Variants in SPOCK2 observed in about 807,000 individuals in gnomAD.
The protein encoded by SPOCK2 is SPARC (osteonectin), cwcv and kazal like domains proteoglycan 2.
In SPOCK2, 39 loss-of-function variants were observed where a neutral mutation model predicts 60.1. That is an observed-to-expected ratio of 0.65 (90% CI 0.50 to 0.85). SPOCK2 has a LOEUF of 0.85. Among genes scored for constraint, SPOCK2 ranks in the 40% least tolerant of loss-of-function variants. The probability of loss-of-function intolerance (pLI) is 0.00; values close to 1 mark genes in which losing one functional copy is unlikely to be tolerated. For synonymous variants in SPOCK2, 217 were observed against 231.5 expected (o/e 0.94, Z 0.57); for missense variants, 523 against 567.4 (o/e 0.92, Z 0.80).
rs368047050 is a variant in SPOCK2 at position 72,086,948 on chromosome 10, T to G, written c.189+1192A>C. The stretch of plus-strand genomic sequence containing the variant: ...CAGTTTAAGGAGAAAACGGGAGAGG[T>G]CATGGTGTGGCCTGCGTTGTACTGG... On this transcript the variant is annotated intron_variant, in intron 1 of 10. Transcript: ENST00000373109. 12 of 1,551,298 alleles carry G rather than the reference T, an allele frequency of 7.7e-6. No individual in the cohort carries two copies. In the African/African-American group the frequency reaches 1.6e-4, roughly 21 times the overall value.
At chr10:72,082,565 AG>A (rs1840800169) in intron 1 of SPOCK2, among the ~76,000 whole-genome samples, 1 of 151,778 alleles carries the variant, frequency 6.6e-6, no homozygotes, top group Non-Finnish European at 1.5e-5. Context: ...TCTGAATAAG[AG>A]GCTAGAGGCT....
rs947143523 is a variant in SPOCK2, at chr10:72,067,187, C to A, written c.710-67G>T. On this transcript the variant is annotated intron_variant, in intron 7 of 10. Transcript: ENST00000373109. ...CAGCCGTTTCTCCAGCCCTCCATCTCTCCGCCTCGCCATCAGCCCCAGCCC... is the reference window on the plus strand; with the variant it reads ...CAGCCGTTTCTCCAGCCCTCCATCTATCCGCCTCGCCATCAGCCCCAGCCC... 5 of 1,466,426 alleles carry A rather than the reference C, an allele frequency of 3.4e-6. No homozygotes were observed. In the African/African-American group the frequency reaches 5.6e-5, roughly 16 times the overall value. The allele number at this position is 1,466,426 out of a possible 1,614,324, so 90.8% of individuals were successfully genotyped here.
intron 1 of SPOCK2, among the ~76,000 whole-genome samples, chr10:72,081,841 A>G (rs1399514590): frequency 6.6e-6 from 1 of 152,064 alleles, no homozygotes; most frequent in Non-Finnish European, 1.5e-5. Flanking sequence ...GCCCCTCTTT[A>G]CTTGAACCCA....
intron 8 of SPOCK2, among the ~76,000 whole-genome samples, chr10:72,066,689 G>A (rs1351762684): frequency 2.6e-5 from 4 of 152,142 alleles, no homozygotes; most frequent in Non-Finnish European, 5.9e-5. Context: ...GGATCCGCCT[G>A]GGAGCCTGCC....
intron 1 of SPOCK2, 71 bp from the exon 2 acceptor site, chr10:72,072,981 T>C (rs1840669847): frequency 1.1e-5 from 17 of 1,549,508 alleles, no homozygotes; most frequent in African/African-American, 2.7e-5. Flanking sequence ...GATGGGGATA[T>C]CAGTGTGAGG....
intron 4 of SPOCK2, among the ~76,000 whole-genome samples, chr10:72,071,040 C>A (rs1840640463): frequency 6.6e-6 from 1 of 152,170 alleles, no homozygotes; most frequent in Non-Finnish European, 1.5e-5. Context: ...ACCGGCCATG[C>A]CCCTGCAGCC....
At position 72,088,140 on chromosome 10, in the gene SPOCK2, G is replaced by C; in HGVS notation, c.189C>G (p.Asp63Glu). The change falls in exon 1 of 11, where the codon GAC becomes GAG. Residue 63 changes from aspartate to glutamate, a missense_variant and splice_region_variant. Coordinates refer to ENST00000373109, the MANE Select transcript of SPOCK2 (RefSeq NM_001244950.2). ...GKIKHWNRFR[D>E]EVEDDYIKSW... The stretch of plus-strand genomic sequence containing the variant: ...TGCCTTGGCAGCCCTGCGGACTCAC[G>C]TCTCGGAAGCGGTTCCAGTGCTTGA... The C allele has an allele frequency of 6.2e-7, 1 of 1,612,120 alleles. No homozygotes were observed. The highest frequency in any genetic ancestry group is 8.5e-7 in the Non-Finnish European group (1 of 1,179,278).
In SPOCK2 at chr10:72,087,769, C is replaced by A. The variant is rs933601928; in HGVS notation, c.189+371G>T. Reference sequence around the variant, plus strand: ...CCAGCGGCTGGGGCAGGCCCGGGGGCGGCTCGCACAACGCAGCTGGGGACC... The same window carrying A: ...CCAGCGGCTGGGGCAGGCCCGGGGGAGGCTCGCACAACGCAGCTGGGGACC... On this transcript the variant is annotated intron_variant, in intron 1 of 10. Transcript: ENST00000373109. The surrounding 1 kb of genome is among the most constrained non-coding windows in gnomAD (Gnocchi z 4.7). Among the ~76,000 whole-genome samples, 11 of 152,142 alleles carry A rather than the reference C, an allele frequency of 7.2e-5. No individual in the cohort carries two copies. Among genetic ancestry groups the A allele is most frequent in the African/African-American group, 2.4e-4 (10 of 41,466 alleles).
intron 1 of SPOCK2, chr10:72,086,486 G>C: frequency 9.4e-7 from 1 of 1,067,532 alleles, no homozygotes; most frequent in Non-Finnish European, 1.1e-6. Flanking sequence ...CAAACAGCCA[G>C]CGAGTCGGAG....
In SPOCK2 at chr10:72,062,737, C is replaced by G. The variant is rs200505277; in HGVS notation, c.*23G>C. 44 of 1,589,672 alleles carry G rather than the reference C, an allele frequency of 2.8e-5. No homozygotes were observed. The East Asian group carries it at 2.9e-4, about 10-fold the overall frequency. On this transcript the variant is annotated 3_prime_UTR_variant, in exon 11 of 11. Coordinates refer to ENST00000373109, the MANE Select transcript of SPOCK2 (RefSeq NM_001244950.2). This position sits in a 1 kb window ranked among gnomAD's most constrained non-coding sequence, Gnocchi z 4.3. ...CAGAGCTCTGCTGTTGAGTCCCCCC[C>G]GGCAGCCGGCTCCTGAGGGCGTCTA...
chr10:72,074,946 A>G (rs1463214996), intron 1 of SPOCK2, among the ~76,000 whole-genome samples: 1 of 151,712 alleles, frequency 6.6e-6, no homozygotes, highest in Admixed American at 6.6e-5. Flanking sequence ...AGGAGCAGAC[A>G]GAGGAAGGCT....
chr10:72,082,097 C>T (rs1330222902), intron 1 of SPOCK2, among the ~76,000 whole-genome samples: 1 of 152,246 alleles, frequency 6.6e-6, no homozygotes, highest in Non-Finnish European at 1.5e-5. Flanking sequence ...AGCAGAAGGA[C>T]TCTGAAGATA....
chr10:72,067,592 G>A (rs1365107714), intron 7 of SPOCK2, 21 bp downstream of exon 7: 2 of 1,610,946 alleles, frequency 1.2e-6, no homozygotes, highest in South Asian at 1.1e-5. Flanking sequence ...CCTCCTCCAG[G>A]CAGAGCAGCA....
At chr10:72,065,992 G>A (rs527485823) in intron 8 of SPOCK2, among the ~76,000 whole-genome samples, 3 of 152,100 alleles carry the variant, frequency 2.0e-5, no homozygotes, top group East Asian at 1.9e-4. Flanking sequence ...CCTGACTGCC[G>A]ATCCCCCACC....
rs778789599 is a variant in SPOCK2 at position 72,070,441 on chromosome 10, G to C, written c.360-15C>G. ...GCTGCTTGATCCTACAGGAGAGGGTGGGGGGCACACCAGGGTGGAAGTGAC... is the reference window on the plus strand; with the variant it reads ...GCTGCTTGATCCTACAGGAGAGGGTCGGGGGCACACCAGGGTGGAAGTGAC... On this transcript the variant is annotated splice_polypyrimidine_tract_variant and intron_variant, in intron 4 of 10. Coordinates refer to ENST00000373109, the MANE Select transcript of SPOCK2 (RefSeq NM_001244950.2). 3 of 1,612,380 alleles carry C rather than the reference G, an allele frequency of 1.9e-6. No individual in the cohort carries two copies. The highest frequency in any genetic ancestry group is 2.5e-6 in the Non-Finnish European group (3 of 1,178,620).
chr10:72,084,018 G>T (rs571048079), intron 1 of SPOCK2, among the ~76,000 whole-genome samples: 23 of 152,186 alleles, frequency 1.5e-4, no homozygotes, highest in African/African-American at 5.5e-4. Flanking sequence ...TTGCCTTCTT[G>T]GTGTTCCTAA....
In SPOCK2 at chr10:72,069,607, G is replaced by A. The variant is rs936953079; in HGVS notation, c.474+705C>T. Reference sequence around the variant, plus strand: ...CAGATAGCTGGAATCACAGGCACACGCCACTGCACCCAGCTAATTTTTGTA... The same window carrying A: ...CAGATAGCTGGAATCACAGGCACACACCACTGCACCCAGCTAATTTTTGTA... On this transcript the variant is annotated intron_variant, in intron 5 of 10. Coordinates refer to ENST00000373109, the MANE Select transcript of SPOCK2 (RefSeq NM_001244950.2). 3.3e-5 allele frequency among the ~76,000 whole-genome samples: 5 copies of A among 151,570 alleles called. No individual in the cohort carries two copies. In the East Asian group the frequency reaches 5.8e-4, roughly 18 times the overall value.
chr10:72,076,534 G>A (rs928051349), intron 1 of SPOCK2, among the ~76,000 whole-genome samples: 3 of 152,140 alleles, frequency 2.0e-5, no homozygotes, highest in Admixed American at 6.5e-5. Context: ...ATTGCATGGT[G>A]CTTATATATG....
At chr10:72,067,251 G>T in intron 7 of SPOCK2, 131 bp from the exon 8 acceptor site, 1 of 959,036 alleles carries the variant, frequency 1.0e-6, no homozygotes, top group Non-Finnish European at 1.5e-6. Context: ...CTAACCATGG[G>T]ATTGAGAAAC....
Sources: gnomAD v4.1 joint callset for allele counts (sites outside exome capture counted in the v4.1 genomes callset) on GRCh38, gnomAD v4.1.1 for gene constraint, Gnocchi (gnomAD v3.1) non-coding constraint, MANE v1.5 for transcripts, NCBI Gene and HGNC (gene_info 2026-07-23, HGNC 2026-07-21) for gene names.